Variants in BUB1B observed in about 807,000 individuals in gnomAD.
BUB1B encodes BUB1 mitotic checkpoint serine/threonine kinase B, also known as mitotic checkpoint serine/threonine-protein kinase BUB1 beta.
A neutral mutation model predicts 137.7 loss-of-function variants in BUB1B; 86 were observed. That is an observed-to-expected ratio of 0.62 (90% confidence interval 0.52 to 0.75). The LOEUF (loss-of-function observed/expected upper bound fraction) is 0.75, where lower values mean the gene tolerates loss of function less well. BUB1B is among the 30% of genes least tolerant of loss of function. The pLI, the probability that BUB1B is intolerant of heterozygous loss-of-function variation, is 0.00. For missense variants in BUB1B, 1,130 were observed against 1,236.9 expected, an observed-to-expected ratio of 0.91 and a Z score of 1.30; for synonymous variants, 420 against 417.9, an observed-to-expected ratio of 1.00 and a Z score of -0.06.
Position 40,217,564 on chromosome 15 carries a change from T to C in BUB1B, c.2747T>C (p.Val916Ala). Residue 916 changes from valine to alanine, a missense_variant, in exon 21 of 23, where the codon GTT becomes GCT. Physicochemically the swap from Val to Ala is moderately conservative, Grantham distance 64 (BLOSUM62 0). Coordinates refer to ENST00000287598, the MANE Select transcript of BUB1B (RefSeq NM_001211.6). The part of the protein sequence containing the change: ...ALKIVDFSYS[V>A]DLRVQLDVFT... ...AAGATAGTGGACTTTTCCTACAGTG[T>C]TGACCTTAGGGTGCAGCTGGATGTT... 1.2e-6 allele frequency: 2 copies of C among 1,614,180 alleles called. No homozygotes were observed. Among genetic ancestry groups the C allele is most frequent in the Non-Finnish European group, 1.7e-6 (2 of 1,180,020 alleles).
intron 8 of BUB1B, among the ~76,000 whole-genome samples, chr15:40,194,117 T>A (rs183818286): frequency 0.055 from 8,388 of 152,230 alleles, 753 homozygotes; most frequent in African/African-American, 0.19. Flanking sequence ...CTTAATTTCA[T>A]TTTCTTTTTT....
chr15:40,206,081 T>G, intron 14 of BUB1B, 103 bp from the exon 15 acceptor site: 12 of 1,199,034 alleles, frequency 1.0e-5, no homozygotes, highest in Non-Finnish European at 1.5e-5. Context: ...TCTGATATGC[T>G]ATTTCTGTAC....
At position 40,183,822 on chromosome 15, in the gene BUB1B, A is replaced by G; in HGVS notation, c.690A>G (p.Leu230=). ...SVPQRSTLAE[L]KSKGKKTARA... is the part of the protein sequence containing the mutation. ...CACAACGAAGCACACTAGCTGAACT[A>G]AAGAGCAAAGGGAAAAAGACAGCAA... is the stretch of plus-strand genomic sequence containing the variant. Residue 230 remains leucine (L), a synonymous_variant, in exon 6 of 23, where the codon CTA becomes CTG. Transcript: ENST00000287598. 1 of 1,614,150 alleles carries G rather than the reference A, an allele frequency of 6.2e-7. No homozygotes were observed. Among genetic ancestry groups the G allele is most frequent in the South Asian group, 1.1e-5 (1 of 91,080 alleles).
chr15:40,172,751 A>G (rs2037178888), intron 4 of BUB1B, among the ~76,000 whole-genome samples: 1 of 152,212 alleles, frequency 6.6e-6, no homozygotes, highest in South Asian at 2.1e-4. Context: ...TCCTGAAGCC[A>G]TGAGGTATCT....
At chr15:40,199,284 GC>G (rs1268479542) in intron 9 of BUB1B, among the ~76,000 whole-genome samples, 1 of 152,068 alleles carries the variant, frequency 6.6e-6, no homozygotes. Flanking sequence ...TGTGTGTGTT[GC>G]CCCCAAATTT....
rs145026343 is a variant in BUB1B at position 40,212,587 on chromosome 15, G to T, written c.2474G>T (p.Cys825Phe). The change falls in exon 19 of 23, where the codon TGT becomes TTT. Residue 825 changes from cysteine (C) to phenylalanine (F), a missense_variant. By Grantham distance (205) the Cys-to-Phe change is radical (BLOSUM62 -2). Coordinates refer to ENST00000287598, the MANE Select transcript of BUB1B (RefSeq NM_001211.6). Reference protein sequence around the residue: ...LNEDFDHFCSCYQYQDGCIVW... With the variant: ...LNEDFDHFCSFYQYQDGCIVW... ...GAAGATTTTGATCATTTTTGCAGCT[G>T]TTATCAATATCAAGATGGCTGTATT... 1.9e-6 allele frequency: 3 copies of T among 1,613,528 alleles called. No homozygotes were observed. Among genetic ancestry groups the T allele is most frequent in the Non-Finnish European group, 2.5e-6 (3 of 1,179,744 alleles).
intron 11 of BUB1B, 115 bp downstream of exon 11, chr15:40,200,474 T>C (rs2037553579): frequency 1.4e-6 from 1 of 729,108 alleles, no homozygotes; most frequent in Non-Finnish European, 2.4e-6. Context: ...ACATGGTTTT[T>C]GTAAGTCTCT....
chr15:40,216,129 C>T (rs188873263), intron 20 of BUB1B, among the ~76,000 whole-genome samples: 2 of 151,606 alleles, frequency 1.3e-5, no homozygotes, highest in East Asian at 3.9e-4. Flanking sequence ...CCCTATGCCT[C>T]CAAAGTTATA....
At chr15:40,208,983 A>AT (rs1327456046) in intron 16 of BUB1B, among the ~76,000 whole-genome samples, 1 of 151,974 alleles carries the variant, frequency 6.6e-6, no homozygotes, top group African/African-American at 2.4e-5. Flanking sequence ...CAATTTTTGT[A>AT]TTTTTTGTAG....
Position 40,202,538 on chromosome 15 carries a change from AG to A in BUB1B, c.1629-47del, listed in dbSNP as rs750371252. 27 of 1,596,152 alleles carry A rather than the reference AG, an allele frequency of 1.7e-5. No homozygotes were observed. The African/African-American group carries it at 2.3e-4, about 13-fold the overall frequency. On this transcript the variant is annotated intron_variant, in intron 13 of 22. Coordinates refer to ENST00000287598, the MANE Select transcript of BUB1B (RefSeq NM_001211.6). ...CTGTTATTATAAGTGAGGATAAATT[AG>A]GGGTTACTGTTATGAAAAAAATTGC...
chr15:40,170,041 CTT>C lies in BUB1B; in HGVS notation c.180-17_180-16del, dbSNP rs1165147751. 2 of 1,604,792 alleles carry C rather than the reference CTT, an allele frequency of 1.2e-6. No homozygotes were observed. Among genetic ancestry groups the C allele is most frequent in the Admixed American group, 3.3e-5 (2 of 60,010 alleles). Reference sequence around the variant, plus strand: ...CTGTTGTCACTATTGCATATGCTAACTTTTTCTGTTTACATTTCAGGGCATTT... The same window carrying C: ...CTGTTGTCACTATTGCATATGCTAACTTTCTGTTTACATTTCAGGGCATTT... On this transcript the variant is annotated intron_variant, in intron 2 of 22. Transcript: ENST00000287598.
chr15:40,175,524 T>C (rs1595513906), intron 4 of BUB1B, among the ~76,000 whole-genome samples: 1 of 152,218 alleles, frequency 6.6e-6, no homozygotes, highest in African/African-American at 2.4e-5. Context: ...ATAATACATA[T>C]CCTTTCATCC....
At chr15:40,203,322 C>T (rs1475129572) in intron 14 of BUB1B, among the ~76,000 whole-genome samples, 1 of 149,766 alleles carries the variant, frequency 6.7e-6, no homozygotes, top group Non-Finnish European at 1.5e-5. Flanking sequence ...ACTATATGAT[C>T]TAATTTTCAT....
chr15:40,209,416 T>TC (rs1208517871), intron 16 of BUB1B, among the ~76,000 whole-genome samples: 1 of 152,242 alleles, frequency 6.6e-6, no homozygotes, highest in Non-Finnish European at 1.5e-5. Flanking sequence ...AGAGCGAGAC[T>TC]CCGTCTCAAA....
intron 19 of BUB1B, among the ~76,000 whole-genome samples, chr15:40,213,090 G>A (rs2037734680): frequency 6.6e-6 from 1 of 152,122 alleles, no homozygotes; most frequent in Non-Finnish European, 1.5e-5. Flanking sequence ...CATTTATTAA[G>A]TACCTATTTT....
At chr15:40,171,546 C>CA (rs1450530447) in intron 4 of BUB1B, among the ~76,000 whole-genome samples, 1 of 151,964 alleles carries the variant, frequency 6.6e-6, no homozygotes, top group African/African-American at 2.4e-5. Context: ...GATCCTGTCT[C>CA]AAAAAAACAA....
chr15:40,161,242 G>T lies in BUB1B; in HGVS notation c.22G>T (p.Gly8Trp). The change falls in exon 1 of 23, where the codon GGG becomes TGG. Residue 8 changes from glycine to tryptophan, a missense_variant. Physicochemically the swap from Gly to Trp is radical, Grantham distance 184 (BLOSUM62 -2). Coordinates refer to ENST00000287598, the MANE Select transcript of BUB1B (RefSeq NM_001211.6). ...CAGGATGGCGGCGGTGAAGAAGGAA[G>T]GGGGTGCTCTGAGGTAGGTACGGGA... Reference protein sequence around the residue: MAAVKKEGGALSEAMSLE... With the variant: MAAVKKEWGALSEAMSLE... The T allele has an allele frequency of 1.2e-6, 2 of 1,613,170 alleles. No individual in the cohort carries two copies. Among genetic ancestry groups the T allele is most frequent in the Non-Finnish European group, 1.7e-6 (2 of 1,179,556 alleles).
At chr15:40,168,600 T>C (rs1466785148) in intron 2 of BUB1B, among the ~76,000 whole-genome samples, 1 of 152,242 alleles carries the variant, frequency 6.6e-6, no homozygotes, top group Admixed American at 6.5e-5. Context: ...ATAAAGTTGC[T>C]TGATTAATCT....
chr15:40,167,345 T>A (rs2140879884), intron 2 of BUB1B, among the ~76,000 whole-genome samples: 1 of 133,186 alleles, frequency 7.5e-6, no homozygotes, highest in Non-Finnish European at 1.6e-5. Context: ...ATTTTAGCTT[T>A]TTTTTTTTTT....
Sources: allele counts gnomAD v4.1 joint callset (sites outside exome capture counted in the v4.1 genomes callset), GRCh38; gene constraint gnomAD v4.1.1; transcripts MANE v1.5; gene names NCBI Gene and HGNC (gene_info 2026-07-23, HGNC 2026-07-21).